The following CWC22 variants were observed in gnomAD, a reference collection of about 807,000 sequenced individuals.
The protein encoded by CWC22 is pre-mRNA-splicing factor CWC22 homolog.
In CWC22, 53 loss-of-function variants were observed where a neutral mutation model predicts 117.2. The observed-to-expected ratio is 0.45, with a 90% CI of 0.36 to 0.57. The LOEUF (loss-of-function observed/expected upper bound fraction) is 0.57. CWC22 is among the 20% of genes least tolerant of loss of function. The probability of loss-of-function intolerance (pLI) is 0.00; values close to 1 mark genes in which losing one functional copy is unlikely to be tolerated. For missense variants in CWC22, 980 were observed against 1,068.8 expected (o/e 0.92, Z 1.16); for synonymous variants, 360 against 355.6 (o/e 1.01, Z -0.14).
At chr2:179,994,394 C>CCAGA (rs1443000979) in intron 1 of CWC22, among the ~76,000 whole-genome samples, 3 of 152,030 alleles carry the variant, frequency 2.0e-5, no homozygotes, top group African/African-American at 7.2e-5. Flanking sequence ...ACACTGAAAG[C>CCAGA]CAGATATCCT....
intron 8 of CWC22, among the ~76,000 whole-genome samples, chr2:179,971,945 T>A (rs1029453771): frequency 4.6e-5 from 7 of 152,150 alleles, no homozygotes; most frequent in African/African-American, 1.7e-4. Context: ...GACAAGAAAA[T>A]ACTGCCCTGT....
At position 179,948,555 on chromosome 2, in the gene CWC22, C is replaced by G. The variant is rs533063393; in HGVS notation, c.2140+1957G>C. ...GTGGACACCACCTTACTCAAGTGAT[C>G]AAGGTTGTCACCCAAAATAAAATTA... On this transcript the variant is annotated intron_variant, in intron 19 of 19. Transcript: ENST00000410053. Among the ~76,000 whole-genome samples the G allele has an allele frequency of 6.6e-5, 10 of 152,270 alleles. No homozygotes were observed. The South Asian group carries it at 1.5e-3, about 22-fold the overall frequency.
intron 17 of CWC22, 35 bp downstream of exon 17, chr2:179,952,436 C>A: frequency 1.3e-6 from 2 of 1,499,512 alleles, no homozygotes; most frequent in South Asian, 1.3e-5. Context: ...AACCAGAGGT[C>A]AATAAGAATA....
intron 1 of CWC22, among the ~76,000 whole-genome samples, chr2:179,999,307 A>G (rs1188682593): frequency 6.6e-6 from 1 of 152,154 alleles, no homozygotes; most frequent in African/African-American, 2.4e-5. Flanking sequence ...TCACTATGTG[A>G]ATTTTATGGT....
At chr2:179,993,147 A>G (rs1033726171) in intron 2 of CWC22, among the ~76,000 whole-genome samples, 168 bp downstream of exon 2, 10 of 152,258 alleles carry the variant, frequency 6.6e-5, no homozygotes, top group African/African-American at 2.2e-4. Flanking sequence ...TGGTGCAAAC[A>G]GTAATTGTGG....
Position 179,945,652 on chromosome 2 carries a change from C to G in CWC22, c.2204G>C (p.Arg735Thr). Residue 735 changes from arginine (R) to threonine (T), a missense_variant, in exon 20 of 20, where the codon AGA becomes ACA. Arg to Thr is a moderately conservative substitution (Grantham distance 71). Coordinates refer to ENST00000410053, the MANE Select transcript of CWC22 (RefSeq NM_020943.3). Reference sequence around the variant, plus strand: ...TTTCCTATCATTTGTTTGCTGGTTTCTGATCAATTTATCTACCTCTTTACT... The same window carrying G: ...TTTCCTATCATTTGTTTGCTGGTTTGTGATCAATTTATCTACCTCTTTACT... ...TRSKEVDKLI[R>T]NQQTNDRKQK... 6.2e-7 allele frequency: 1 copy of G among 1,611,526 alleles called. No individual in the cohort carries two copies. Among genetic ancestry groups the G allele is most frequent in the Non-Finnish European group, 8.5e-7 (1 of 1,179,508 alleles).
At chr2:179,966,835 C>A (rs1295201514) in intron 11 of CWC22, among the ~76,000 whole-genome samples, 2 of 152,150 alleles carry the variant, frequency 1.3e-5, no homozygotes, top group Admixed American at 1.3e-4. Context: ...AGTTCTGGGA[C>A]CAATTCACTT....
At chr2:179,953,970 A>G (rs1686520347) in intron 16 of CWC22, among the ~76,000 whole-genome samples, 1 of 152,146 alleles carries the variant, frequency 6.6e-6, no homozygotes, top group Non-Finnish European at 1.5e-5. Context: ...AGCCATCACT[A>G]TCGAAACACT....
chr2:180,004,939 G>A (rs1035191193), intron 1 of CWC22, among the ~76,000 whole-genome samples: 2 of 151,472 alleles, frequency 1.3e-5, no homozygotes, highest in Admixed American at 6.6e-5. Flanking sequence ...GACGGGGGAG[G>A]ATGAATCATA....
In CWC22 at chr2:180,007,154, G is replaced by A. The variant is rs1015195172; in HGVS notation, c.-401C>T. On this transcript the variant is annotated 5_prime_UTR_variant, in exon 1 of 20. Coordinates refer to ENST00000410053, the MANE Select transcript of CWC22 (RefSeq NM_020943.3). ...CGACGGTAGGAAGAAGGCGAATAGT[G>A]AAATATTTAAAAACTTGACGCTCAA... 6.6e-6 allele frequency: 1 copy of A among 152,182 alleles called. No individual in the cohort carries two copies. Among genetic ancestry groups the A allele is most frequent in the African/African-American group, 2.4e-5 (1 of 41,444 alleles). The allele number at this position is 152,182 out of a possible 1,614,324, so 9.4% of individuals were successfully genotyped here. A position where few individuals can be genotyped will look rare whatever the true frequency, so the allele number is the denominator to read the frequency against.
intron 8 of CWC22, 102 bp from the exon 9 acceptor site, chr2:179,971,178 T>G: frequency 1.2e-6 from 1 of 812,110 alleles, no homozygotes. Context: ...ACAATAATTA[T>G]ATTGCACATA....
At chr2:179,992,986 C>T (rs1383415) in intron 2 of CWC22, among the ~76,000 whole-genome samples, 99,496 of 152,124 alleles carry the variant, frequency 0.65, 33,010 homozygotes, top group Middle Eastern at 0.71. Context: ...AGGCCCCTGA[C>T]GCATGCATCC....
intron 11 of CWC22, among the ~76,000 whole-genome samples, chr2:179,968,506 T>C (rs1199367792): frequency 6.6e-6 from 1 of 151,012 alleles, no homozygotes; most frequent in Non-Finnish European, 1.5e-5. Context: ...TTTTATAAAA[T>C]ATATATATAA....
intron 4 of CWC22, among the ~76,000 whole-genome samples, chr2:179,982,246 TAGA>T (rs2105541827): frequency 6.6e-6 from 1 of 152,208 alleles, no homozygotes; most frequent in Admixed American, 6.5e-5. Flanking sequence ...TTGCAACTAG[TAGA>T]AGAGGGAATA....
chr2:179,947,166 T>G (rs888284778), intron 19 of CWC22, among the ~76,000 whole-genome samples: 3 of 152,212 alleles, frequency 2.0e-5, no homozygotes, highest in African/African-American at 7.2e-5. Flanking sequence ...GTCACCCTAA[T>G]TCTACCTAAA....
At chr2:179,990,638 A>G (rs1391985660) in intron 2 of CWC22, among the ~76,000 whole-genome samples, 1 of 152,042 alleles carries the variant, frequency 6.6e-6, no homozygotes, top group Non-Finnish European at 1.5e-5. Context: ...ATAAAACTGC[A>G]TTATCTCCTT....
At chr2:179,963,343 T>TTG (rs1686802716) in intron 13 of CWC22, among the ~76,000 whole-genome samples, 1 of 130,526 alleles carries the variant, frequency 7.7e-6, no homozygotes, top group East Asian at 2.2e-4. Context: ...TACTTTTTTT[T>TTG]TTTTTTTTTT....
At chr2:179,952,367 G>A in intron 17 of CWC22, 104 bp downstream of exon 17, 1 of 691,710 alleles carries the variant, frequency 1.4e-6, no homozygotes, top group African/African-American at 1.9e-5. Context: ...AAAGTCTCAG[G>A]GGGCTTAGCT....
chr2:179,946,265 C>T (rs190040177), intron 19 of CWC22, among the ~76,000 whole-genome samples: 54 of 151,876 alleles, frequency 3.6e-4, no homozygotes, highest in Admixed American at 2.5e-3. Context: ...GCCTGGGTAA[C>T]GTAGCGAAAC....
Sources: allele counts gnomAD v4.1 joint callset (sites outside exome capture counted in the v4.1 genomes callset), GRCh38; gene constraint gnomAD v4.1.1; transcripts MANE v1.5; gene names NCBI Gene and HGNC (gene_info 2026-07-23, HGNC 2026-07-21).